SULT2B1: variants seen among roughly 807,000 people sequenced by gnomAD.
The protein encoded by SULT2B1 is sulfotransferase 2B1.
A neutral mutation model predicts 33.2 loss-of-function variants in SULT2B1; 16 were observed. The ratio of observed to expected loss-of-function variants is 0.48; its 90% CI spans 0.33 to 0.73. The LOEUF (loss-of-function observed/expected upper bound fraction) is 0.73. Ranked by LOEUF, SULT2B1 falls within the 30% of genes least tolerant of loss-of-function variation. SULT2B1 has a pLI of 0.02. For synonymous variants in SULT2B1, 186 were observed against 200.5 expected (o/e 0.93, Z 0.61); for missense variants, 500 against 506.0 (o/e 0.99, Z 0.11).
chr19:48,587,131 T>C (rs1459808003), intron 2 of SULT2B1, 98 bp from the exon 3 acceptor site: 7 of 885,736 alleles, frequency 7.9e-6, no homozygotes, highest in South Asian at 1.7e-5. Context: ...TAATAAAAGG[T>C]GGCAAATTGC....
chr19:48,575,944 G>A lies in SULT2B1; in HGVS notation c.75G>A (p.Gln25=), dbSNP rs991091466. 1.2e-6 allele frequency: 2 copies of A among 1,612,054 alleles called. No individual in the cohort carries two copies. Among genetic ancestry groups the A allele is most frequent in the Admixed American group, 1.7e-5 (1 of 59,928 alleles). Residue 25 remains glutamine, a synonymous_variant, in exon 2 of 7, where the codon CAG becomes CAA. Transcript: ENST00000201586. The part of the protein sequence containing the change: ...TYEDDISEIS[Q]KLPGEYFRYK... Reference sequence around the variant, plus strand: ...CGTCTCCCCCACCTTTCCACAGCCAGAAGTTGCCAGGTGAATACTTCCGGT... The same window carrying A: ...CGTCTCCCCCACCTTTCCACAGCCAAAAGTTGCCAGGTGAATACTTCCGGT...
chr19:48,555,802 C>T (rs945460949), intron 1 of SULT2B1, among the ~76,000 whole-genome samples: 7 of 151,782 alleles, frequency 4.6e-5, no homozygotes, highest in Non-Finnish European at 2.9e-5. Flanking sequence ...TGCAGTGATG[C>T]GAACTTGGCT....
intron 1 of SULT2B1, among the ~76,000 whole-genome samples, chr19:48,575,255 C>T (rs1973388082): frequency 6.7e-6 from 1 of 149,496 alleles, no homozygotes; most frequent in South Asian, 2.1e-4. Context: ...ATTGCAGGTG[C>T]CCACCACCAC....
In SULT2B1 at chr19:48,552,187, G is replaced by A. The variant is rs572113990; in HGVS notation, c.-66G>A. The A allele has an allele frequency of 2.9e-5, 44 of 1,521,528 alleles. No homozygotes were observed. The highest frequency in any genetic ancestry group is 3.5e-5 in the Non-Finnish European group (39 of 1,104,342). The allele number at this position is 1,521,528 out of a possible 1,614,324, so 94.3% of individuals were successfully genotyped here. On this transcript the variant is annotated 5_prime_UTR_variant, in exon 1 of 7. Transcript: ENST00000201586. This position sits in a 1 kb window ranked among gnomAD's most constrained non-coding sequence, Gnocchi z 4.8. Reference sequence around the variant, plus strand: ...CCCAGGTGGCAGACGCTGTCGCTGCGCACACCTGGCCTCTGTGCCGCCTGC... The same window carrying A: ...CCCAGGTGGCAGACGCTGTCGCTGCACACACCTGGCCTCTGTGCCGCCTGC...
intron 2 of SULT2B1, among the ~76,000 whole-genome samples, chr19:48,582,989 C>CAAAAA (rs59742141): frequency 4.0e-5 from 5 of 124,126 alleles, no homozygotes; most frequent in African/African-American, 1.5e-4. Flanking sequence ...CCTATCTCTA[C>CAAAAA]AAAAAAAAAA....
intron 1 of SULT2B1, among the ~76,000 whole-genome samples, chr19:48,568,188 G>A (rs575261975): frequency 1.6e-3 from 240 of 151,262 alleles, no homozygotes; most frequent in Non-Finnish European, 2.5e-3. Context: ...TGGGAGGATC[G>A]TTTGAGCCCA....
rs535370334 is a variant in SULT2B1 at position 48,557,683 on chromosome 19, G to A, written c.71+5360G>A. On this transcript the variant is annotated intron_variant, in intron 1 of 6. Coordinates refer to ENST00000201586, the MANE Select transcript of SULT2B1 (RefSeq NM_177973.2). ...TGTAATCCCAGAACTTTGGGAGGCCGAGGTGGGCGGATCACCTGAGGTCGA... is the reference window on the plus strand; with the variant it reads ...TGTAATCCCAGAACTTTGGGAGGCCAAGGTGGGCGGATCACCTGAGGTCGA... Among the ~76,000 whole-genome samples, 6 of 152,248 alleles carry A rather than the reference G, an allele frequency of 3.9e-5. No homozygotes were observed. In the South Asian group the frequency reaches 6.2e-4, roughly 16 times the overall value.
chr19:48,570,629 A>T (rs1436259471), intron 1 of SULT2B1, among the ~76,000 whole-genome samples: 1 of 152,068 alleles, frequency 6.6e-6, no homozygotes, highest in Non-Finnish European at 1.5e-5. Flanking sequence ...TCAAGTGTAG[A>T]TGTTGGTTTG....
intron 2 of SULT2B1, among the ~76,000 whole-genome samples, chr19:48,576,475 G>C (rs1190135590): frequency 6.8e-6 from 1 of 147,804 alleles, no homozygotes; most frequent in Non-Finnish European, 1.5e-5. Flanking sequence ...GGGATTACAG[G>C]CGTGAACCAC....
intron 5 of SULT2B1, among the ~76,000 whole-genome samples, chr19:48,594,092 C>G (rs1973680265): frequency 6.6e-6 from 1 of 151,624 alleles, no homozygotes; most frequent in Non-Finnish European, 1.5e-5. Flanking sequence ...AACCCCGTCT[C>G]TGCTAAAAAT....
chr19:48,568,668 G>T (rs1973275900), intron 1 of SULT2B1, among the ~76,000 whole-genome samples: 1 of 152,184 alleles, frequency 6.6e-6, no homozygotes, highest in Non-Finnish European at 1.5e-5. Context: ...TGGGAGTGAA[G>T]CGCATTGAAC....
Position 48,556,181 on chromosome 19 carries a change from G to C in SULT2B1, c.71+3858G>C, listed in dbSNP as rs73944822. On this transcript the variant is annotated intron_variant, in intron 1 of 6. Coordinates refer to ENST00000201586, the MANE Select transcript of SULT2B1 (RefSeq NM_177973.2). ...TCTCAGGCGTTAAGATTCAACACGG[G>C]CAATTTAGGATTTTTGGCCAGGGGA... 9.9e-3 allele frequency among the ~76,000 whole-genome samples: 1,507 copies of C among 152,212 alleles called. 35 individuals carry two copies. The highest frequency in any genetic ancestry group is 0.034 in the African/African-American group (1,425 of 41,542).
At chr19:48,597,140 G>C (rs1345532742) in intron 6 of SULT2B1, among the ~76,000 whole-genome samples, 3 of 152,096 alleles carry the variant, frequency 2.0e-5, no homozygotes, top group African/African-American at 7.2e-5. Context: ...CCCAACGACA[G>C]CAAAACATCC....
In SULT2B1 at chr19:48,599,247, G is replaced by C. The variant is rs527488941; in HGVS notation, c.939G>C (p.Pro313=). ...CGACCTTCCCCTGGGATGAAGACCC[G>C]GAGGAGGACGGCAGCCCAGATCCTG... ...GMPTFPWDED[P]EEDGSPDPEP... is the part of the protein sequence containing the mutation. Residue 313 remains proline, a synonymous_variant, in exon 7 of 7, where the codon CCG becomes CCC. Transcript: ENST00000201586. The surrounding 1 kb of genome is among the most constrained non-coding windows in gnomAD (Gnocchi z 4.1). The C allele has an allele frequency of 1.9e-6, 3 of 1,610,068 alleles. No homozygotes were observed. Among genetic ancestry groups the C allele is most frequent in the Non-Finnish European group, 2.5e-6 (3 of 1,178,812 alleles).
Position 48,552,442 on chromosome 19 carries a change from A to C in SULT2B1, c.71+119A>C. The C allele has an allele frequency of 9.1e-7, 1 of 1,097,386 alleles. No individual in the cohort carries two copies. The highest frequency in any genetic ancestry group is 1.3e-6 in the Non-Finnish European group (1 of 757,178). 68.0% of individuals were successfully genotyped at this position (1,097,386 alleles called of 1,614,324 possible). ...ACCCGCAGCCGCAGGCCTGGCCCAG[A>C]CTTAGCTGGAGGGGCTGGGCTGGGC... On this transcript the variant is annotated intron_variant, in intron 1 of 6. Coordinates refer to ENST00000201586, the MANE Select transcript of SULT2B1 (RefSeq NM_177973.2). This position sits in a 1 kb window ranked among gnomAD's most constrained non-coding sequence, Gnocchi z 4.8.
At chr19:48,582,873 T>C (rs1973511255) in intron 2 of SULT2B1, among the ~76,000 whole-genome samples, 1 of 145,738 alleles carries the variant, frequency 6.9e-6, no homozygotes, top group Non-Finnish European at 1.5e-5. Context: ...TTATTTGCAG[T>C]CAGGCACGGT....
At chr19:48,555,564 C>CTCTCTCTCTT (rs1372420147) in intron 1 of SULT2B1, among the ~76,000 whole-genome samples, 36 of 148,948 alleles carry the variant, frequency 2.4e-4, no homozygotes, top group African/African-American at 9.1e-4. Context: ...CTCTCTCTCT[C>CTCTCTCTCTT]TCTCTCTCTC....
intron 1 of SULT2B1, among the ~76,000 whole-genome samples, chr19:48,564,036 G>A (rs1666277002): frequency 6.6e-6 from 1 of 151,586 alleles, no homozygotes; most frequent in Admixed American, 6.6e-5. Context: ...GAAGTCAGGA[G>A]ATCGAGACCA....
intron 1 of SULT2B1, among the ~76,000 whole-genome samples, chr19:48,557,129 A>C (rs1973109524): frequency 6.6e-6 from 1 of 152,136 alleles, no homozygotes; most frequent in African/African-American, 2.4e-5. Context: ...CCAGAATTTA[A>C]TTCAGGATAG....
Sources: allele counts gnomAD v4.1 joint callset (sites outside exome capture counted in the v4.1 genomes callset), GRCh38; gene constraint gnomAD v4.1.1; non-coding constraint Gnocchi (gnomAD v3.1); transcripts MANE v1.5; gene names NCBI Gene and HGNC (gene_info 2026-07-23, HGNC 2026-07-21).